The following NFIC variants were observed in gnomAD, a reference collection of about 807,000 sequenced individuals.
NFIC encodes the protein nuclear factor 1 C-type.
A neutral mutation model predicts 54.4 loss-of-function variants in NFIC; 12 were observed. The ratio of observed to expected loss-of-function variants is 0.22; its 90% CI spans 0.14 to 0.36. The LOEUF (loss-of-function observed/expected upper bound fraction) is 0.36, where lower values mean the gene tolerates loss of function less well. Among genes scored for constraint, NFIC ranks in the 10% least tolerant of loss-of-function variants. The probability of loss-of-function intolerance (pLI) is 1.00; values close to 1 mark genes in which losing one functional copy is unlikely to be tolerated. For synonymous variants in NFIC, 322 were observed against 319.2 expected, an observed-to-expected ratio of 1.01 and a Z score of -0.09; for missense variants, 575 against 718.2, an observed-to-expected ratio of 0.80 and a Z score of 2.28.
At chr19:3,388,758 T>C (rs1599594694) in intron 2 of NFIC, among the ~76,000 whole-genome samples, 3 of 150,054 alleles carry the variant, frequency 2.0e-5, no homozygotes, top group Admixed American at 2.0e-4. Flanking sequence ...AGCCCAGGAG[T>C]TGGAGGTTGC....
chr19:3,441,466 C>T (rs2082292656), intron 6 of NFIC, among the ~76,000 whole-genome samples: 1 of 152,262 alleles, frequency 6.6e-6, no homozygotes, highest in Non-Finnish European at 1.5e-5. Context: ...GGGGCAGAGC[C>T]CCGAGCTTAT....
In NFIC at chr19:3,452,185, C is replaced by T. The variant is rs190697449; in HGVS notation, c.1085-297C>T. ...CTTTGGGAGGCCTAGGAGGGAGGAT[C>T]GCTTGAGCCCAGGAGTTCGAGACCT... is the stretch of plus-strand genomic sequence containing the variant. On this transcript the variant is annotated intron_variant, in intron 7 of 10. Coordinates refer to ENST00000443272, the MANE Select transcript of NFIC (RefSeq NM_001245002.2). This position sits in a 1 kb window ranked among gnomAD's most constrained non-coding sequence, Gnocchi z 5.3. 2.6e-5 allele frequency among the ~76,000 whole-genome samples: 4 copies of T among 151,592 alleles called. No homozygotes were observed. Among genetic ancestry groups the T allele is most frequent in the East Asian group, 1.9e-4 (1 of 5,160 alleles).
chr19:3,416,033 C>T (rs902612602), intron 2 of NFIC, among the ~76,000 whole-genome samples: 2 of 151,736 alleles, frequency 1.3e-5, no homozygotes, highest in Non-Finnish European at 1.5e-5. Flanking sequence ...TGTAGGGCCA[C>T]AAGCCTGTAG....
intron 1 of NFIC, among the ~76,000 whole-genome samples, chr19:3,360,494 C>T (rs1180336324): frequency 2.0e-5 from 3 of 151,906 alleles, no homozygotes; most frequent in East Asian, 2.0e-4. Flanking sequence ...TCGAGGGGTG[C>T]GTGGGAGCCC....
rs35622819 is a variant in NFIC at position 3,386,314 on chromosome 19, C to CTTT, written c.562+4095_562+4097dup. ...TGAGGCAAGGATCATTGCTGTATGC[C>CTTT]TTTTTTTTTTTTTTTTTTTTTTTTT... On this transcript the variant is annotated intron_variant, in intron 2 of 10. Transcript: ENST00000443272. Among the ~76,000 whole-genome samples the CTTT allele has an allele frequency of 3.4e-3, 237 of 69,110 alleles. 15 individuals are homozygous for CTTT. Among genetic ancestry groups the CTTT allele is most frequent in the African/African-American group, 0.012 (225 of 19,526 alleles). The allele number at this position is 69,110 out of a possible 152,430, so 45.3% of individuals were successfully genotyped here. A position where few individuals can be genotyped will look rare whatever the true frequency, so the allele number is the denominator to read the frequency against.
rs567768886 is a variant in NFIC at position 3,421,346 on chromosome 19, C to T, written c.563-3760C>T. On this transcript the variant is annotated intron_variant, in intron 2 of 10. Coordinates refer to ENST00000443272, the MANE Select transcript of NFIC (RefSeq NM_001245002.2). ...AGAGGGTCCTGTGCCCACGGCCTGG[C>T]GCCCGGACGGCCGGCTGCCCAGGCT... Among the ~76,000 whole-genome samples the T allele has an allele frequency of 4.2e-4, 64 of 152,364 alleles. No homozygotes were observed. In the South Asian group the frequency reaches 0.012, roughly 29 times the overall value.
At chr19:3,391,398 C>G (rs1018779816) in intron 2 of NFIC, among the ~76,000 whole-genome samples, 1 of 152,198 alleles carries the variant, frequency 6.6e-6, no homozygotes, top group Non-Finnish European at 1.5e-5. Flanking sequence ...CGCCTGTAAT[C>G]TCAGCACTTT....
chr19:3,405,997 T>A (rs2081643469), intron 2 of NFIC, among the ~76,000 whole-genome samples: 1 of 152,168 alleles, frequency 6.6e-6, no homozygotes, highest in Non-Finnish European at 1.5e-5. Context: ...CATGGCTTAC[T>A]GTAGCCTCAA....
At chr19:3,359,975 GC>G (rs1384322038) in intron 1 of NFIC, among the ~76,000 whole-genome samples, 3 of 149,726 alleles carry the variant, frequency 2.0e-5, no homozygotes, top group Non-Finnish European at 4.5e-5. Flanking sequence ...CCCGGAGAAG[GC>G]CCCCGCAACC....
At chr19:3,434,997 A>G (rs1414496014) in intron 5 of NFIC, 86 bp from the exon 6 acceptor site, 2 of 1,452,400 alleles carry the variant, frequency 1.4e-6, no homozygotes, top group Non-Finnish European at 1.8e-6. Context: ...CGCTCACTTA[A>G]GGACCGGAAG....
Position 3,467,758 on chromosome 19 carries a change from C to CATATATATATATATATATATATATATAT in NFIC, c.*4993_*5020dup, listed in dbSNP as rs551667735. 40 of 69,612 alleles carry CATATATATATATATATATATATATATAT rather than the reference C, an allele frequency of 5.7e-4. No homozygotes were observed. Among genetic ancestry groups the CATATATATATATATATATATATATATAT allele is most frequent in the East Asian group, 2.3e-3 (3 of 1,296 alleles). 4.3% of individuals were successfully genotyped at this position (69,612 alleles called of 1,614,324 possible). On this transcript the variant is annotated 3_prime_UTR_variant, in exon 11 of 11. Transcript: ENST00000443272. ...ACCTCCAGTGTAGGGCTATACTATA[C>CATATATATATATATATATATATATATAT]ATATATATATATATATATATATATA... is the stretch of plus-strand genomic sequence containing the variant.
At chr19:3,416,324 A>G (rs143374378) in intron 2 of NFIC, among the ~76,000 whole-genome samples, 168 of 149,440 alleles carry the variant, frequency 1.1e-3, no homozygotes, top group African/African-American at 3.9e-3. Context: ...TATATAATAT[A>G]TATTATACAT....
rs536586434 is a variant in NFIC, at chr19:3,373,017, G to A, written c.30+6351G>A. On this transcript the variant is annotated intron_variant, in intron 1 of 10. Coordinates refer to ENST00000443272, the MANE Select transcript of NFIC (RefSeq NM_001245002.2). ...GTGTCACCGCACCTGGCTAATTTTG[G>A]TGTTTTTAGTAGAGATGGGGTTTCA... Among the ~76,000 whole-genome samples, 8 of 152,124 alleles carry A rather than the reference G, an allele frequency of 5.3e-5. 1 individual carries two copies. Among genetic ancestry groups the A allele is most frequent in the Non-Finnish European group, 1.0e-4 (7 of 67,982 alleles).
chr19:3,366,227 G>C (rs2080879327), upstream of NFIC, among the ~76,000 whole-genome samples: 1 of 151,720 alleles, frequency 6.6e-6, no homozygotes, highest in Non-Finnish European at 1.5e-5. Context: ...CTGGGGCATT[G>C]CGTAAATACG....
intron 2 of NFIC, among the ~76,000 whole-genome samples, chr19:3,388,296 GATA>G (rs1183684178): frequency 6.6e-6 from 1 of 152,178 alleles, no homozygotes; most frequent in African/African-American, 2.4e-5. Context: ...CCCCAACAGC[GATA>G]ATGATGGCGG....
intron 6 of NFIC, among the ~76,000 whole-genome samples, chr19:3,440,849 C>A (rs2082283492): frequency 6.6e-6 from 1 of 152,052 alleles, no homozygotes. Context: ...TTTGTTTTTC[C>A]CAAATAGTGA....
chr19:3,389,704 C>T (rs994072330), intron 2 of NFIC, among the ~76,000 whole-genome samples: 9 of 152,262 alleles, frequency 5.9e-5, no homozygotes, highest in Non-Finnish European at 1.2e-4. Context: ...CACTTCCGGC[C>T]GGGCGCAGTG....
intron 2 of NFIC, among the ~76,000 whole-genome samples, chr19:3,398,708 C>T (rs769129210): frequency 1.3e-5 from 2 of 152,166 alleles, no homozygotes; most frequent in African/African-American, 2.4e-5. Context: ...ACAGACAGCC[C>T]GGGACAGGTT....
At chr19:3,445,675 C>CT (rs2082364163) in intron 6 of NFIC, among the ~76,000 whole-genome samples, 1 of 152,230 alleles carries the variant, frequency 6.6e-6, no homozygotes, top group South Asian at 2.1e-4. Flanking sequence ...CCCCCCACAG[C>CT]TGGGTCCTGG....
Sources: gnomAD v4.1 joint callset for allele counts (sites outside exome capture counted in the v4.1 genomes callset) on GRCh38, gnomAD v4.1.1 for gene constraint, Gnocchi (gnomAD v3.1) non-coding constraint, MANE v1.5 for transcripts, NCBI Gene and HGNC (gene_info 2026-07-23, HGNC 2026-07-21) for gene names.